TNFSF4: variants seen among roughly 807,000 people sequenced by gnomAD.
TNFSF4 encodes TNF superfamily member 4.
In TNFSF4, 4 loss-of-function variants were observed where a neutral mutation model predicts 7.3. The observed-to-expected ratio is 0.55, with a 90% confidence interval of 0.27 to 1.25. The LOEUF (loss-of-function observed/expected upper bound fraction) is 1.25. Among genes scored for constraint, TNFSF4 ranks in the 50% most tolerant of loss-of-function variants. The probability of loss-of-function intolerance (pLI) is 0.12; values close to 1 mark genes in which losing one functional copy is unlikely to be tolerated. For synonymous variants in TNFSF4, 76 were observed against 83.7 expected, an observed-to-expected ratio of 0.91 and a Z score of 0.50; for missense variants, 181 against 208.8, an observed-to-expected ratio of 0.87 and a Z score of 0.82.
chr1:173,424,333 G>A, the TNFSF4 span, among the ~76,000 whole-genome samples: 4 of 152,168 alleles, frequency 2.6e-5, no homozygotes, highest in Non-Finnish European at 4.4e-5. Context: ...CTCTTCCCTC[G>A]TGAACAATGT....
the TNFSF4 span, among the ~76,000 whole-genome samples, chr1:173,293,417 T>C: frequency 6.6e-6 from 1 of 152,106 alleles, no homozygotes; most frequent in Admixed American, 6.6e-5. Context: ...GCTAGCCATA[T>C]GCAGGAGATT....
intron 1 of TNFSF4, chr1:173,205,262 T>C: frequency 6.2e-7 from 1 of 1,605,144 alleles, no homozygotes; most frequent in Middle Eastern, 1.7e-4. Context: ...CTTGCTTCCA[T>C]CTCTGTGCCA....
chr1:173,376,497 T>A, the TNFSF4 span, among the ~76,000 whole-genome samples: 1 of 152,302 alleles, frequency 6.6e-6, no homozygotes, highest in Non-Finnish European at 1.5e-5. Flanking sequence ...GCTGGGCTTC[T>A]GGGTTGGGTG....
At chr1:173,219,799 G>T in the TNFSF4 span, among the ~76,000 whole-genome samples, 1 of 152,028 alleles carries the variant, frequency 6.6e-6, no homozygotes, top group Non-Finnish European at 1.5e-5. Context: ...ACCCAGGAAT[G>T]GAAAACCAAA....
At chr1:173,298,065 G>A in the TNFSF4 span, among the ~76,000 whole-genome samples, 2 of 152,014 alleles carry the variant, frequency 1.3e-5, no homozygotes, top group East Asian at 3.9e-4. Context: ...TTCAGGACAG[G>A]GGCTGAGAGA....
At chr1:173,438,470 C>T in the TNFSF4 span, among the ~76,000 whole-genome samples, 1 of 152,066 alleles carries the variant, frequency 6.6e-6, no homozygotes, top group Non-Finnish European at 1.5e-5. Flanking sequence ...TCTTTGACCA[C>T]ATATATTTAT....
the TNFSF4 span, among the ~76,000 whole-genome samples, chr1:173,356,162 G>A: frequency 6.6e-6 from 1 of 152,210 alleles, no homozygotes; most frequent in Admixed American, 6.5e-5. Context: ...GTGGGGGAGG[G>A]ATGCTCTGGC....
chr1:173,378,297 A>G, the TNFSF4 span, among the ~76,000 whole-genome samples: 2 of 150,694 alleles, frequency 1.3e-5, no homozygotes, highest in Non-Finnish European at 3.0e-5. Flanking sequence ...GGACCATTGC[A>G]GGTTCTTGGG....
At position 173,186,240 on chromosome 1, in the gene TNFSF4, C is replaced by T; in HGVS notation, c.*276G>A. On this transcript the variant is annotated 3_prime_UTR_variant, in exon 3 of 3. Transcript: ENST00000281834. ...CTTGAAGAAGAGGCATCTATTTTTT[C>T]TTTCTCACAAAGGTGCCTAGTAGGC... 1 of 332,122 alleles carries T rather than the reference C, an allele frequency of 3.0e-6. No individual in the cohort carries two copies. Among genetic ancestry groups the T allele is most frequent in the Non-Finnish European group, 5.5e-6 (1 of 182,348 alleles). The allele number at this position is 332,122 out of a possible 1,614,324, so 20.6% of individuals were successfully genotyped here. A position where few individuals can be genotyped will look rare whatever the true frequency, so the allele number is the denominator to read the frequency against.
chr1:173,390,253 T>C, the TNFSF4 span, among the ~76,000 whole-genome samples: 1 of 152,148 alleles, frequency 6.6e-6, no homozygotes. Flanking sequence ...AAAGTAGTCA[T>C]TTTCTAGTTC....
At chr1:173,417,959 A>T in the TNFSF4 span, 1 of 142,952 alleles carries the variant, frequency 7.0e-6, no homozygotes, top group African/African-American at 2.6e-5. Context: ...AATGTTGAAG[A>T]CTCCACTCAG....
the TNFSF4 span, among the ~76,000 whole-genome samples, chr1:173,380,586 A>C: frequency 0.8 from 121,520 of 151,980 alleles, 48,813 homozygotes; most frequent in East Asian, 0.91. Flanking sequence ...CAAACATACT[A>C]CCTGCATGAC....
the TNFSF4 span, among the ~76,000 whole-genome samples, chr1:173,349,115 G>GC: frequency 1.3e-5 from 2 of 151,918 alleles, no homozygotes; most frequent in Admixed American, 6.5e-5. Context: ...TGCAAGCTCC[G>GC]CCCCCCGGGT....
At chr1:173,173,056 C>T in the TNFSF4 span, among the ~76,000 whole-genome samples, 1 of 152,198 alleles carries the variant, frequency 6.6e-6, no homozygotes, top group Non-Finnish European at 1.5e-5. Flanking sequence ...TACTCCCTCA[C>T]TATCATGAGA....
At chr1:173,297,263 G>A in the TNFSF4 span, among the ~76,000 whole-genome samples, 1 of 151,752 alleles carries the variant, frequency 6.6e-6, no homozygotes, top group South Asian at 2.1e-4. Flanking sequence ...GTTAGACCTT[G>A]TTTCCTTTAA....
chr1:173,267,895 G>GGAGAC, the TNFSF4 span, among the ~76,000 whole-genome samples: 1 of 137,310 alleles, frequency 7.3e-6, no homozygotes, highest in African/African-American at 2.6e-5. Flanking sequence ...GGAGAGCAGA[G>GGAGAC]GAGAGGAGAG....
chr1:173,328,642 C>A, the TNFSF4 span, among the ~76,000 whole-genome samples: 1 of 150,696 alleles, frequency 6.6e-6, no homozygotes, highest in Non-Finnish European at 1.5e-5. Flanking sequence ...TGTAACAAAC[C>A]TGCACATTCT....
intron 1 of TNFSF4, among the ~76,000 whole-genome samples, chr1:173,203,036 G>A (rs939771869): frequency 6.6e-6 from 1 of 152,088 alleles, no homozygotes; most frequent in African/African-American, 2.4e-5. Context: ...TCTTGACTGT[G>A]AGTGTAAATA....
At chr1:173,235,325 C>T in the TNFSF4 span, among the ~76,000 whole-genome samples, 1 of 152,138 alleles carries the variant, frequency 6.6e-6, no homozygotes, top group Non-Finnish European at 1.5e-5. Flanking sequence ...AAAGGGGGAC[C>T]TTTCAACAGG....
Sources: gnomAD v4.1 joint callset for allele counts (sites outside exome capture counted in the v4.1 genomes callset) on GRCh38, gnomAD v4.1.1 for gene constraint, MANE v1.5 for transcripts, NCBI Gene and HGNC (gene_info 2026-07-23, HGNC 2026-07-21) for gene names.